AKAP13: variants seen among roughly 807,000 people sequenced by gnomAD.
AKAP13 encodes the protein A-kinase anchoring protein 13.
In AKAP13, 80 loss-of-function variants were observed where a neutral mutation model predicts 264.5. The observed-to-expected ratio is 0.30, with a 90% CI of 0.25 to 0.36. The LOEUF is 0.36. AKAP13 is among the 10% of genes least tolerant of loss of function. The pLI is 1.00. For synonymous variants in AKAP13, 1,380 were observed against 1,250.2 expected (o/e 1.10, Z -2.19); for missense variants, 3,712 against 3,435.2 (o/e 1.08, Z -2.01).
At chr15:85,680,677 C>G (rs2084541201) in intron 14 of AKAP13, among the ~76,000 whole-genome samples, 1 of 152,032 alleles carries the variant, frequency 6.6e-6, no homozygotes, top group Admixed American at 6.5e-5. Flanking sequence ...CCAGCCTGGG[C>G]AACATGGCGA....
rs866863902 is a variant in AKAP13 at position 85,533,826 on chromosome 15, C to T, written c.424C>T (p.His142Tyr). ...TAAGAAGTTGGTGCTGGCATTCAGGCACCTGAAGCTGCCCACGGAGTGGAA... is the reference window on the plus strand; with the variant it reads ...TAAGAAGTTGGTGCTGGCATTCAGGTACCTGAAGCTGCCCACGGAGTGGAA... Reference protein sequence around the residue: ...LDKKLVLAFRHLKLPTEWNVL... With the variant: ...LDKKLVLAFRYLKLPTEWNVL... The change falls in exon 4 of 37, where the codon CAC becomes TAC. Residue 142 changes from histidine to tyrosine, a missense_variant. By Grantham distance (83) the His-to-Tyr change is moderately conservative. Coordinates refer to ENST00000394518, the MANE Select transcript of AKAP13 (RefSeq NM_007200.5). 1 of 1,613,432 alleles carries T rather than the reference C, an allele frequency of 6.2e-7. No homozygotes were observed. The highest frequency in any genetic ancestry group is 1.3e-5 in the African/African-American group (1 of 75,046).
At chr15:85,744,291 G>A in intron 36 of AKAP13, 1 of 319,622 alleles carries the variant, frequency 3.1e-6, no homozygotes, top group Admixed American at 4.8e-5. Flanking sequence ...TCCACTAAAT[G>A]CCTCCCTGTT....
intron 1 of AKAP13, among the ~76,000 whole-genome samples, chr15:85,482,659 C>T (rs1364645409): frequency 6.6e-6 from 1 of 152,204 alleles, no homozygotes; most frequent in East Asian, 1.9e-4. Flanking sequence ...CCAACTTACC[C>T]TTTGACCTTG....
At chr15:85,667,567 G>C (rs2083673490) in intron 13 of AKAP13, among the ~76,000 whole-genome samples, 1 of 152,100 alleles carries the variant, frequency 6.6e-6, no homozygotes, top group Non-Finnish European at 1.5e-5. Context: ...AGAATCCTTT[G>C]GAAATCATTT....
intron 1 of AKAP13, among the ~76,000 whole-genome samples, chr15:85,427,367 G>A (rs1425413125): frequency 6.8e-6 from 1 of 148,106 alleles, no homozygotes; most frequent in African/African-American, 2.4e-5. Context: ...TAGAAATTTT[G>A]AGATTTTTTT....
At chr15:85,398,985 A>T (rs947412867) in intron 1 of AKAP13, among the ~76,000 whole-genome samples, 2 of 152,006 alleles carry the variant, frequency 1.3e-5, no homozygotes, top group Non-Finnish European at 1.5e-5. Context: ...TATTATAAAC[A>T]TTGCTTTGAA....
intron 1 of AKAP13, among the ~76,000 whole-genome samples, chr15:85,482,657 C>T (rs917537040): frequency 2.0e-5 from 3 of 152,180 alleles, no homozygotes; most frequent in African/African-American, 7.2e-5. Flanking sequence ...CTCCAACTTA[C>T]CCTTTGACCT....
chr15:85,480,512 A>G (rs906789567), intron 1 of AKAP13, among the ~76,000 whole-genome samples: 1 of 151,726 alleles, frequency 6.6e-6, no homozygotes, highest in African/African-American at 2.4e-5. Context: ...GACTTGCTCA[A>G]GGTAATACAG....
chr15:85,718,750 A>G lies in AKAP13; in HGVS notation c.6002-326A>G, dbSNP rs1273672611. On this transcript the variant is annotated intron_variant, in intron 22 of 36. Coordinates refer to ENST00000394518, the MANE Select transcript of AKAP13 (RefSeq NM_007200.5). This position sits in a 1 kb window ranked among gnomAD's most constrained non-coding sequence, Gnocchi z 4.9. ...CCCCATTTCTATAAAAAATACAAAA[A>G]TCAGCCAGGCGTGATGGCATGTACC... is the stretch of plus-strand genomic sequence containing the variant. 1.4e-5 allele frequency: 4 copies of G among 288,574 alleles called. No homozygotes were observed. The highest frequency in any genetic ancestry group is 2.7e-5 in the Non-Finnish European group (4 of 149,898). 17.9% of individuals were successfully genotyped at this position (288,574 alleles called of 1,614,324 possible).
At chr15:85,502,434 A>G (rs1047609318) in intron 2 of AKAP13, among the ~76,000 whole-genome samples, 1 of 152,246 alleles carries the variant, frequency 6.6e-6, no homozygotes, top group African/African-American at 2.4e-5. Context: ...TCATTCCTAC[A>G]TGTAAAAATC....
At chr15:85,441,901 G>T (rs1477370689) in intron 1 of AKAP13, among the ~76,000 whole-genome samples, 1 of 152,110 alleles carries the variant, frequency 6.6e-6, no homozygotes, top group African/African-American at 2.4e-5. Flanking sequence ...CCTTATTGTA[G>T]GGAGCTTTTC....
At chr15:85,697,534 A>G (rs993751286) in intron 17 of AKAP13, among the ~76,000 whole-genome samples, 1 of 152,180 alleles carries the variant, frequency 6.6e-6, no homozygotes, top group African/African-American at 2.4e-5. Flanking sequence ...GCGCCACTGC[A>G]CTCCAGTCTG....
At chr15:85,449,861 A>G (rs1454780164) in intron 1 of AKAP13, among the ~76,000 whole-genome samples, 4 of 152,168 alleles carry the variant, frequency 2.6e-5, no homozygotes, top group African/African-American at 9.7e-5. Flanking sequence ...CATCAAGGAT[A>G]TTGGCCTGAA....
chr15:85,655,019 C>T (rs1393352675), intron 10 of AKAP13, among the ~76,000 whole-genome samples: 1 of 151,956 alleles, frequency 6.6e-6, no homozygotes, highest in East Asian at 1.9e-4. Context: ...TGGTGAAACC[C>T]TGTCTGTACT....
intron 1 of AKAP13, among the ~76,000 whole-genome samples, chr15:85,437,268 A>G (rs1163984849): frequency 3.3e-5 from 5 of 150,868 alleles, no homozygotes; most frequent in Non-Finnish European, 7.4e-5. Flanking sequence ...AGACTAAACC[A>G]GGAAGAAGTT....
chr15:85,558,883 A>G (rs1075607), intron 5 of AKAP13, among the ~76,000 whole-genome samples: 56,147 of 151,680 alleles, frequency 0.37, 10,638 homozygotes, highest in African/African-American at 0.43. Flanking sequence ...CGAGAAAGCT[A>G]AAGAAACTTT....
chr15:85,714,844 G>A (rs1008254794), intron 19 of AKAP13, among the ~76,000 whole-genome samples: 1 of 152,098 alleles, frequency 6.6e-6, no homozygotes, highest in African/African-American at 2.4e-5. Flanking sequence ...GCGGGTGCCT[G>A]TAATCCCAGC....
At chr15:85,413,393 T>C (rs2072078552) in intron 1 of AKAP13, among the ~76,000 whole-genome samples, 1 of 152,158 alleles carries the variant, frequency 6.6e-6, no homozygotes. Context: ...TGTAGTTCAG[T>C]TGTCGTTGCT....
At chr15:85,733,750 G>A (rs28577121) in intron 30 of AKAP13, among the ~76,000 whole-genome samples, 1 of 150,062 alleles carries the variant, frequency 6.7e-6, no homozygotes, top group Non-Finnish European at 1.5e-5. Flanking sequence ...TTCTAGTTTA[G>A]TTTTGATTTC....
Sources: gnomAD v4.1 joint callset for allele counts (sites outside exome capture counted in the v4.1 genomes callset) on GRCh38, gnomAD v4.1.1 for gene constraint, Gnocchi (gnomAD v3.1) non-coding constraint, MANE v1.5 for transcripts, NCBI Gene and HGNC (gene_info 2026-07-23, HGNC 2026-07-21) for gene names.